PARD3B: variants seen among roughly 807,000 people sequenced by gnomAD.
PARD3B encodes the protein par-3 family cell polarity regulator beta, also known as partitioning defective 3 homolog B.
Under a neutral mutation model 130.2 loss-of-function variants are expected in PARD3B, and 103 were observed. The ratio of observed to expected loss-of-function variants is 0.79; its 90% CI spans 0.67 to 0.93. PARD3B has a LOEUF of 0.93. PARD3B is among the 40% of genes least tolerant of loss of function. The pLI is 0.00. For missense variants in PARD3B, 1,609 were observed against 1,499.2 expected, an observed-to-expected ratio of 1.07 and a Z score of -1.21; for synonymous variants, 583 against 553.2, an observed-to-expected ratio of 1.05 and a Z score of -0.76.
intron 1 of PARD3B, among the ~76,000 whole-genome samples, chr2:204,548,454 G>A (rs1258804245): frequency 6.6e-6 from 1 of 152,116 alleles, no homozygotes; most frequent in African/African-American, 2.4e-5. Flanking sequence ...CAAATCAGGG[G>A]AAAAAGAGAC....
intron 2 of PARD3B, among the ~76,000 whole-genome samples, chr2:204,808,322 CATTT>C (rs1352496093): frequency 6.6e-6 from 1 of 151,970 alleles, no homozygotes; most frequent in East Asian, 1.9e-4. Context: ...TTGTACTTCT[CATTT>C]GTTTTGTTTT....
intron 22 of PARD3B, among the ~76,000 whole-genome samples, chr2:205,609,730 C>T (rs998644631): frequency 1.8e-4 from 28 of 152,204 alleles, no homozygotes; most frequent in Admixed American, 1.7e-3. Context: ...ATACTTTCTG[C>T]TGCATATCTT....
At chr2:205,273,354 C>T (rs1177960155) in intron 16 of PARD3B, among the ~76,000 whole-genome samples, 3 of 152,210 alleles carry the variant, frequency 2.0e-5, no homozygotes, top group Non-Finnish European at 4.4e-5. Flanking sequence ...GAGTTCGCTC[C>T]TTTGTTATAC....
rs537872224 is a variant in PARD3B, at chr2:205,160,260, G to C, written c.1620+1353G>C. On this transcript the variant is annotated intron_variant, in intron 11 of 22. Transcript: ENST00000406610. The surrounding 1 kb of genome is among the most constrained non-coding windows in gnomAD (Gnocchi z 4.0). Reference sequence around the variant, plus strand: ...CTTTATTTTTCTCATAGCTCTGTGTGGGGGAGCTGGGGTTTGGGTAGGATT... The same window carrying C: ...CTTTATTTTTCTCATAGCTCTGTGTCGGGGAGCTGGGGTTTGGGTAGGATT... 6.6e-6 allele frequency among the ~76,000 whole-genome samples: 1 copy of C among 152,172 alleles called. No homozygotes were observed. The highest frequency in any genetic ancestry group is 2.4e-5 in the African/African-American group (1 of 41,420).
chr2:204,895,607 T>C (rs1434596701), intron 2 of PARD3B, among the ~76,000 whole-genome samples: 1 of 152,162 alleles, frequency 6.6e-6, no homozygotes, highest in Non-Finnish European at 1.5e-5. Context: ...GAACATTTAT[T>C]GTTTTATGCA....
chr2:205,254,421 T>A (rs985507784), intron 16 of PARD3B, among the ~76,000 whole-genome samples: 4 of 152,262 alleles, frequency 2.6e-5, no homozygotes, highest in African/African-American at 7.2e-5. Context: ...GATAAAGTTA[T>A]AATATTGCCA....
chr2:204,842,339 A>G (rs1281800166), intron 2 of PARD3B, among the ~76,000 whole-genome samples: 1 of 152,136 alleles, frequency 6.6e-6, no homozygotes, highest in Non-Finnish European at 1.5e-5. Flanking sequence ...AAGAAAAATG[A>G]TTGTCTAGAG....
intron 1 of PARD3B, among the ~76,000 whole-genome samples, chr2:204,571,941 A>T (rs866084108): frequency 6.6e-6 from 1 of 152,242 alleles, no homozygotes; most frequent in Non-Finnish European, 1.5e-5. Flanking sequence ...GGTCAATCAC[A>T]GTGAACTGCT....
rs374196354 is a variant in PARD3B, at chr2:205,047,687, T to A, written c.501T>A (p.Val167=). The part of the protein sequence containing the change: ...HPGGQSLKLV[V]PDSTQNLEDR... ...GTGGCCAGAGTCTGAAACTGGTTGT[T>A]CCAGTAGGTATCCTGCTGCTTGTAG... Residue 167 remains valine (V), a synonymous_variant, in exon 4 of 23, where the codon GTT becomes GTA. Transcript: ENST00000406610. The A allele has an allele frequency of 9.5e-5, 146 of 1,532,934 alleles. No individual in the cohort carries two copies. Among genetic ancestry groups the A allele is most frequent in the Admixed American group, 5.3e-4 (27 of 50,918 alleles). 95.0% of individuals were successfully genotyped at this position (1,532,934 alleles called of 1,614,324 possible). A position where few individuals can be genotyped will look rare whatever the true frequency, so the allele number is the denominator to read the frequency against.
intron 16 of PARD3B, among the ~76,000 whole-genome samples, chr2:205,285,012 G>T (rs1265770189): frequency 2.7e-5 from 4 of 147,742 alleles, no homozygotes; most frequent in Admixed American, 2.7e-4. Flanking sequence ...TTTTTTTGTG[G>T]GAGTATTAGC....
Position 205,158,935 on chromosome 2 carries a change from T to C in PARD3B, c.1620+28T>C. 6.2e-7 allele frequency: 1 copy of C among 1,608,202 alleles called. No homozygotes were observed. Among genetic ancestry groups the C allele is most frequent in the Non-Finnish European group, 8.5e-7 (1 of 1,176,370 alleles). On this transcript the variant is annotated intron_variant, in intron 11 of 22. Coordinates refer to ENST00000406610, the MANE Select transcript of PARD3B (RefSeq NM_001302769.2). The surrounding 1 kb of genome is among the most constrained non-coding windows in gnomAD (Gnocchi z 5.4). ...GGGTAGGAATGACATTTGTACATCCTTTGAGAAGGCACTTGGAGATGTGAC... is the reference window on the plus strand; with the variant it reads ...GGGTAGGAATGACATTTGTACATCCCTTGAGAAGGCACTTGGAGATGTGAC...
intron 1 of PARD3B, among the ~76,000 whole-genome samples, chr2:204,662,829 A>G (rs1338664317): frequency 6.6e-6 from 1 of 152,174 alleles, no homozygotes; most frequent in Non-Finnish European, 1.5e-5. Context: ...GCAACACAGT[A>G]AATAAGGCCA....
chr2:205,155,506 A>G (rs1260811519), intron 10 of PARD3B, among the ~76,000 whole-genome samples: 1 of 152,214 alleles, frequency 6.6e-6, no homozygotes, highest in Non-Finnish European at 1.5e-5. Flanking sequence ...TAAACCACAG[A>G]GTAAACTTTA....
chr2:205,539,456 C>G (rs1424540843), intron 21 of PARD3B, among the ~76,000 whole-genome samples: 2 of 152,068 alleles, frequency 1.3e-5, no homozygotes, highest in Admixed American at 6.5e-5. Context: ...AGGTATCATC[C>G]TCTAGAGCAG....
At chr2:205,071,383 C>T (rs1382854456) in intron 4 of PARD3B, among the ~76,000 whole-genome samples, 1 of 152,168 alleles carries the variant, frequency 6.6e-6, no homozygotes. Context: ...CCTAGGTGTG[C>T]ATCTTGTTCC....
intron 2 of PARD3B, among the ~76,000 whole-genome samples, chr2:204,873,711 G>A (rs1405177578): frequency 6.6e-6 from 1 of 152,146 alleles, no homozygotes; most frequent in Admixed American, 6.5e-5. Context: ...GGTTGATCAG[G>A]GAATGTCTGT....
intron 4 of PARD3B, among the ~76,000 whole-genome samples, chr2:205,050,115 G>T (rs73054995): frequency 1.3e-5 from 2 of 151,512 alleles, no homozygotes; most frequent in Non-Finnish European, 2.9e-5. Context: ...TGCAAGACAC[G>T]TGTAAGTCTA....
At chr2:204,757,893 C>G (rs1243588647) in intron 2 of PARD3B, among the ~76,000 whole-genome samples, 1 of 152,092 alleles carries the variant, frequency 6.6e-6, no homozygotes, top group South Asian at 2.1e-4. Flanking sequence ...TATAAAACTT[C>G]AGGGAATAGT....
At chr2:204,618,649 A>G (rs141337919) in intron 1 of PARD3B, among the ~76,000 whole-genome samples, 40 of 152,284 alleles carry the variant, frequency 2.6e-4, no homozygotes, top group African/African-American at 7.7e-4. Flanking sequence ...TTAAGCTTCT[A>G]ATTTCCTAAT....
Sources: allele counts gnomAD v4.1 joint callset (sites outside exome capture counted in the v4.1 genomes callset), GRCh38; gene constraint gnomAD v4.1.1; non-coding constraint Gnocchi (gnomAD v3.1); transcripts MANE v1.5; gene names NCBI Gene and HGNC (gene_info 2026-07-23, HGNC 2026-07-21).